Variants in PGBD5 observed in about 807,000 individuals in gnomAD.
PGBD5 encodes piggyBac transposable element derived 5.
In PGBD5, 14 loss-of-function variants were observed where a neutral mutation model predicts 47.9. That is an observed-to-expected ratio of 0.29 (90% confidence interval 0.19 to 0.46). The LOEUF (loss-of-function observed/expected upper bound fraction) is 0.46, where lower values mean the gene tolerates loss of function less well. Ranked by LOEUF, PGBD5 falls within the 20% of genes least tolerant of loss-of-function variation. PGBD5 has a pLI of 1.00. For missense variants in PGBD5, 635 were observed against 716.0 expected, an observed-to-expected ratio of 0.89 and a Z score of 1.29; for synonymous variants, 316 against 306.3, an observed-to-expected ratio of 1.03 and a Z score of -0.33.
At chr1:230,328,467 G>A (rs1667158934) in intron 5 of PGBD5, among the ~76,000 whole-genome samples, 1 of 152,134 alleles carries the variant, frequency 6.6e-6, no homozygotes, top group South Asian at 2.1e-4. Flanking sequence ...GACATCTTCT[G>A]ATTGCTAACA....
chr1:230,408,366 T>C (rs1048839513), intron 1 of PGBD5, among the ~76,000 whole-genome samples: 10 of 152,272 alleles, frequency 6.6e-5, no homozygotes, highest in African/African-American at 2.4e-4. Context: ...TGTATGCATG[T>C]AATGTAAAAG....
intron 1 of PGBD5, among the ~76,000 whole-genome samples, chr1:230,401,207 T>A (rs1657130718): frequency 6.6e-6 from 1 of 152,230 alleles, no homozygotes; most frequent in South Asian, 2.1e-4. Context: ...CCTTGGCACC[T>A]GGGTCACCGG....
intron 1 of PGBD5, among the ~76,000 whole-genome samples, chr1:230,405,837 G>C (rs374269094): frequency 6.6e-6 from 1 of 152,174 alleles, no homozygotes; most frequent in East Asian, 1.9e-4. Context: ...TTGATTTGAT[G>C]GGTGATTGTT....
intron 1 of PGBD5, among the ~76,000 whole-genome samples, chr1:230,385,752 T>A (rs960684495): frequency 4.6e-5 from 7 of 152,178 alleles, no homozygotes; most frequent in Admixed American, 2.0e-4. Flanking sequence ...GTTGGCCCTC[T>A]TTTTTATAAC....
intron 1 of PGBD5, among the ~76,000 whole-genome samples, chr1:230,402,516 G>C (rs1244711735): frequency 6.6e-6 from 1 of 152,204 alleles, no homozygotes; most frequent in Non-Finnish European, 1.5e-5. Context: ...GGGGGAGGGG[G>C]CTTTGCCTCT....
chr1:230,340,436 A>C (rs1667392060), intron 3 of PGBD5, among the ~76,000 whole-genome samples: 1 of 152,184 alleles, frequency 6.6e-6, no homozygotes, highest in Non-Finnish European at 1.5e-5. Context: ...TAGCCAGATT[A>C]TAAAACAGTG....
At position 230,315,448 on chromosome 1, in the gene PGBD5, A is replaced by G. The variant is rs6701449; in HGVS notation, c.*7977T>C. On this transcript the variant is annotated 3_prime_UTR_variant, in exon 7 of 7. Coordinates refer to ENST00000391860, the MANE Select transcript of PGBD5 (RefSeq NM_001258311.2). ...GGGCGACCAGGACAGCCCTGTGAGC[A>G]GCAGTTCCCCTCCTGGAACACTGCT... 0.94 allele frequency: 141,645 copies of G among 150,462 alleles called. 66,568 individuals carry two copies. The highest frequency in any genetic ancestry group is 1 in the East Asian group (5,145 of 5,146). 9.3% of individuals were successfully genotyped at this position (150,462 alleles called of 1,614,324 possible).
At chr1:230,372,146 T>A (rs1310886970) in intron 1 of PGBD5, among the ~76,000 whole-genome samples, 1 of 152,218 alleles carries the variant, frequency 6.6e-6, no homozygotes, top group African/African-American at 2.4e-5. Context: ...TCTAATGTCA[T>A]CAGCCCAGAA....
At chr1:230,422,955 G>C (rs1277411771) in intron 1 of PGBD5, among the ~76,000 whole-genome samples, 2 of 151,644 alleles carry the variant, frequency 1.3e-5, no homozygotes, top group Non-Finnish European at 2.9e-5. Flanking sequence ...ATGGTCCCCA[G>C]TGTCTACCTC....
intron 1 of PGBD5, among the ~76,000 whole-genome samples, chr1:230,386,915 T>C (rs1656655701): frequency 6.6e-6 from 1 of 152,220 alleles, no homozygotes; most frequent in Admixed American, 6.5e-5. Flanking sequence ...GGCATCACTA[T>C]CTTCCTTCTA....
intron 1 of PGBD5, chr1:230,362,306 T>G (rs1264304121): frequency 1.5e-6 from 2 of 1,367,784 alleles, no homozygotes; most frequent in South Asian, 2.3e-5. Flanking sequence ...CCCACGGGTG[T>G]GCAGGGCACG....
At chr1:230,396,901 G>A (rs1487442628) in intron 1 of PGBD5, among the ~76,000 whole-genome samples, 1 of 152,154 alleles carries the variant, frequency 6.6e-6, no homozygotes, top group Non-Finnish European at 1.5e-5. Flanking sequence ...ATGTACAATG[G>A]CCACTCACAT....
chr1:230,316,231 C>T lies in PGBD5; in HGVS notation c.*7194G>A, dbSNP rs990948545. The T allele has an allele frequency of 4.1e-5, 6 of 146,592 alleles. 2 individuals are homozygous for T. In the Middle Eastern group the frequency reaches 6.1e-3, roughly 148 times the overall value. 9.1% of individuals were successfully genotyped at this position (146,592 alleles called of 1,614,324 possible). A position where few individuals can be genotyped will look rare whatever the true frequency, so the allele number is the denominator to read the frequency against. Reference sequence around the variant, plus strand: ...ATGTACACATGTGTATATGTGTATACGTACATATGTGTATATATGTATTAA... The same window carrying T: ...ATGTACACATGTGTATATGTGTATATGTACATATGTGTATATATGTATTAA... On this transcript the variant is annotated 3_prime_UTR_variant, in exon 7 of 7. Transcript: ENST00000391860.
intron 5 of PGBD5, among the ~76,000 whole-genome samples, chr1:230,329,918 A>G (rs904651424): frequency 7.2e-5 from 11 of 152,256 alleles, no homozygotes; most frequent in Non-Finnish European, 1.5e-4. Flanking sequence ...GCAGAGACCT[A>G]AAGCATGAGA....
At position 230,325,355 on chromosome 1, in the gene PGBD5, G is replaced by A; in HGVS notation, c.1334C>T (p.Ala445Val). ...TCTGCAGATGTAGCTCAGGTGAGCG[G>A]CAAACGCCTCCACGGCCAAGGGGCA... ...IPCPLAVEAF[A>V]AHLSYICRYD... The change falls in exon 6 of 7, where the codon GCC (alanine) becomes GTC (valine). Residue 445 changes from alanine to valine, a missense_variant. Ala to Val is a moderately conservative substitution (Grantham distance 64). Coordinates refer to ENST00000391860, the MANE Select transcript of PGBD5 (RefSeq NM_001258311.2). 1 of 1,613,678 alleles carries A rather than the reference G, an allele frequency of 6.2e-7. No homozygotes were observed. Among genetic ancestry groups the A allele is most frequent in the Non-Finnish European group, 8.5e-7 (1 of 1,179,812 alleles).
chr1:230,326,083 G>A (rs1239407316), intron 5 of PGBD5, among the ~76,000 whole-genome samples: 1 of 152,214 alleles, frequency 6.6e-6, no homozygotes, highest in Non-Finnish European at 1.5e-5. Context: ...ACATCACTAT[G>A]TGCCCCGTGA....
intron 1 of PGBD5, chr1:230,362,395 G>A (rs760268311): frequency 2.4e-5 from 33 of 1,357,846 alleles, no homozygotes; most frequent in Non-Finnish European, 1.6e-5. Context: ...ACAGACAGTT[G>A]TGGAGGCTTG....
rs370114053 is a variant in PGBD5, at chr1:230,315,951, T to C, written c.*7474A>G. On this transcript the variant is annotated 3_prime_UTR_variant, in exon 7 of 7. Transcript: ENST00000391860. ...GTACACATATATGTATGTGTATACATACATAAGTATATGTGTACACATATA... is the reference window on the plus strand; with the variant it reads ...GTACACATATATGTATGTGTATACACACATAAGTATATGTGTACACATATA... 1.1e-4 allele frequency: 14 copies of C among 126,072 alleles called. 1 individual carries two copies. Among genetic ancestry groups the C allele is most frequent in the Admixed American group, 2.5e-4 (3 of 12,108 alleles). 7.8% of individuals were successfully genotyped at this position (126,072 alleles called of 1,614,324 possible).
chr1:230,421,680 T>C (rs1657652078), intron 1 of PGBD5, among the ~76,000 whole-genome samples: 1 of 152,238 alleles, frequency 6.6e-6, no homozygotes, highest in Non-Finnish European at 1.5e-5. Flanking sequence ...GGAAGCTCCC[T>C]TCTCTGAATT....
Sources: allele counts gnomAD v4.1 joint callset (sites outside exome capture counted in the v4.1 genomes callset), GRCh38; gene constraint gnomAD v4.1.1; transcripts MANE v1.5; gene names NCBI Gene and HGNC (gene_info 2026-07-23, HGNC 2026-07-21).